MYOM1: variants seen among roughly 807,000 people sequenced by gnomAD.
The protein encoded by MYOM1 is myomesin-1.
MYOM1 carries 164 observed loss-of-function variants against 205.3 expected under a neutral mutation model. That is an observed-to-expected ratio of 0.80 (90% confidence interval 0.70 to 0.91). The LOEUF (loss-of-function observed/expected upper bound fraction) is 0.91, where lower values mean the gene tolerates loss of function less well. MYOM1 is among the 40% of genes least tolerant of loss of function. The pLI is 0.00. For missense variants in MYOM1, 2,011 were observed against 2,127.3 expected (o/e 0.95, Z 1.08); for synonymous variants, 772 against 789.4 (o/e 0.98, Z 0.37).
intron 2 of MYOM1, among the ~76,000 whole-genome samples, chr18:3,196,889 C>T (rs1034139756): frequency 3.9e-5 from 6 of 152,170 alleles, no homozygotes; most frequent in Admixed American, 6.5e-5. Flanking sequence ...TCATAACCAC[C>T]TACTTGTTCA....
At chr18:3,224,169 C>T (rs1378999429), upstream of MYOM1, among the ~76,000 whole-genome samples, 1 of 152,042 alleles carries the variant, frequency 6.6e-6, no homozygotes, top group Non-Finnish European at 1.5e-5. Flanking sequence ...GCTGGGACTA[C>T]AGGCGCCCGC....
At chr18:3,240,787 C>T in the MYOM1 span, among the ~76,000 whole-genome samples, 1 of 152,166 alleles carries the variant, frequency 6.6e-6, no homozygotes, top group Non-Finnish European at 1.5e-5. Context: ...TTCCTAGAGA[C>T]TAGTTGAATG....
chr18:3,188,937 C>T lies in MYOM1; in HGVS notation c.582G>A (p.Lys194=), dbSNP rs772622576. The part of the protein sequence containing the change: ...STASKQTTAS[K]QSTASKQSTA... ...TGGACTGCTTGGATGCCGTGGACTG[C>T]TTAGATGCCGTGGTCTGCTTGGATG... Residue 194 remains lysine (K), a synonymous_variant, in exon 4 of 38, where the codon AAG becomes AAA. Transcript: ENST00000356443. 13 of 1,611,086 alleles carry T rather than the reference C, an allele frequency of 8.1e-6. No homozygotes were observed. In the Admixed American group the frequency reaches 2.2e-4, roughly 27 times the overall value.
intron 33 of MYOM1, among the ~76,000 whole-genome samples, chr18:3,083,427 C>CTTTTTTTTTTTTTTTTTTTTTTTTTTTT (rs35959808): frequency 7.1e-5 from 7 of 98,526 alleles, no homozygotes; most frequent in African/African-American, 8.4e-5. Flanking sequence ...TTTTCTTTTT[C>CTTTTTTTTTTTTTTTTTTTTTTTTTTTT]TTTTTTTTTT....
rs552941676 is a variant in MYOM1, at chr18:3,162,958, G to A, written c.1501+1320C>T. Among the ~76,000 whole-genome samples, 7 of 151,536 alleles carry A rather than the reference G, an allele frequency of 4.6e-5. No homozygotes were observed. In the South Asian group the frequency reaches 8.4e-4, roughly 18 times the overall value. ...AGAGAATGGTGTGAACCCAGGAGGC[G>A]GAGCTTGCAGTGAGCCGAGATCAAG... On this transcript the variant is annotated intron_variant, in intron 10 of 37. Transcript: ENST00000356443.
intron 15 of MYOM1, 129 bp from the exon 16 acceptor site, chr18:3,134,953 C>T (rs377685389): frequency 8.1e-5 from 68 of 838,296 alleles, no homozygotes; most frequent in Non-Finnish European, 1.0e-4. Context: ...CTTTATTTTA[C>T]GATTTTTTTT....
At position 3,075,436 on chromosome 18, in the gene MYOM1, A is replaced by C; in HGVS notation, c.4708+18T>G. 1 of 1,608,596 alleles carries C rather than the reference A, an allele frequency of 6.2e-7. No individual in the cohort carries two copies. Among genetic ancestry groups the C allele is most frequent in the South Asian group, 1.1e-5 (1 of 90,712 alleles). ...ATCCCAGGAGTACTTGTGAAAAGTAAAAAAAAAGTTTACTTACTTTTCTCG... is the reference window on the plus strand; with the variant it reads ...ATCCCAGGAGTACTTGTGAAAAGTACAAAAAAAGTTTACTTACTTTTCTCG... On this transcript the variant is annotated intron_variant, in intron 36 of 37. Transcript: ENST00000356443.
At chr18:3,164,470 C>A (rs537997121) in intron 9 of MYOM1, 31 bp from the exon 10 acceptor site, 4 of 1,547,412 alleles carry the variant, frequency 2.6e-6, no homozygotes, top group Non-Finnish European at 3.5e-6. Context: ...AGCAAATTAA[C>A]TTATTTTTGT....
intron 2 of MYOM1, among the ~76,000 whole-genome samples, chr18:3,207,623 C>T (rs1567968850): frequency 6.6e-6 from 1 of 152,194 alleles, no homozygotes; most frequent in African/African-American, 2.4e-5. Context: ...GTTGCAAAGG[C>T]ACCCTTGGGC....
At chr18:3,157,714 A>C (rs931206326) in intron 10 of MYOM1, among the ~76,000 whole-genome samples, 2 of 143,312 alleles carry the variant, frequency 1.4e-5, no homozygotes, top group African/African-American at 5.4e-5. Flanking sequence ...TAATAATAAT[A>C]ATAATAATAA....
chr18:3,101,989 ATTTTTTTTTT>A (rs35882298), intron 23 of MYOM1, among the ~76,000 whole-genome samples: 3 of 55,848 alleles, frequency 5.4e-5, no homozygotes, highest in East Asian at 1.3e-3. Context: ...TCAGTCTGGG[ATTTTTTTTTT>A]TTTTTTTTTT....
intron 22 of MYOM1, 51 bp from the exon 23 acceptor site, chr18:3,102,681 G>A (rs1236845753): frequency 6.4e-7 from 1 of 1,565,642 alleles, no homozygotes; most frequent in Non-Finnish European, 8.7e-7. Flanking sequence ...AAGCAACCAA[G>A]TAAGAATTTG....
chr18:3,135,707 C>T lies in MYOM1; in HGVS notation c.2049G>A (p.Trp683Ter). 1 of 1,613,894 alleles carries T rather than the reference C, an allele frequency of 6.2e-7. No homozygotes were observed. ...CAGGGAGCTCCGTGTTCACTCGCTGCCAGTTTTCTGTTCCTGCCTCACACT... is the reference window on the plus strand; with the variant it reads ...CAGGGAGCTCCGTGTTCACTCGCTGTCAGTTTTCTGTTCCTGCCTCACACT... ...VEKCEAGTEN[W>*]QRVNTELPVK... is the part of the protein sequence containing the mutation. The change falls in exon 15 of 38, where the codon TGG becomes TGA. Residue 683 changes from tryptophan (W) to a stop codon, truncating the protein, a stop_gained. Transcript: ENST00000356443. LOFTEE classifies it high-confidence loss of function. This position sits in a 1 kb window ranked among gnomAD's most constrained non-coding sequence, Gnocchi z 4.1.
chr18:3,124,198 G>A (rs181803682), intron 19 of MYOM1, among the ~76,000 whole-genome samples: 3 of 151,300 alleles, frequency 2.0e-5, no homozygotes, highest in South Asian at 4.2e-4. Flanking sequence ...ACAGACCAGT[G>A]GAACAGCATG....
At chr18:3,172,360 T>C (rs774577176) in intron 8 of MYOM1, among the ~76,000 whole-genome samples, 1 of 151,968 alleles carries the variant, frequency 6.6e-6, no homozygotes, top group Non-Finnish European at 1.5e-5. Flanking sequence ...GGGCTTTCAG[T>C]CCCCGCCTTG....
At chr18:3,165,727 T>C (rs1048601094) in intron 9 of MYOM1, among the ~76,000 whole-genome samples, 3 of 152,190 alleles carry the variant, frequency 2.0e-5, no homozygotes, top group African/African-American at 7.2e-5. Context: ...AGAGCTGAGT[T>C]CTGGGGAAGG....
rs750171273 is a variant in MYOM1, at chr18:3,219,492, G to A, written c.-29+311C>T. Reference sequence around the variant, plus strand: ...ATCCATTTCAGATTTCAACCAAACCGTACTTGGAAATAGCATTAAACACAC... The same window carrying A: ...ATCCATTTCAGATTTCAACCAAACCATACTTGGAAATAGCATTAAACACAC... On this transcript the variant is annotated intron_variant, in intron 1 of 37. Coordinates refer to ENST00000356443, the MANE Select transcript of MYOM1 (RefSeq NM_003803.4). The surrounding 1 kb of genome is among the most constrained non-coding windows in gnomAD (Gnocchi z 4.4). Among the ~76,000 whole-genome samples, 1 of 152,086 alleles carries A rather than the reference G, an allele frequency of 6.6e-6. No homozygotes were observed. The highest frequency in any genetic ancestry group is 6.5e-5 in the Admixed American group (1 of 15,270).
At chr18:3,210,659 T>G (rs976230016) in intron 2 of MYOM1, among the ~76,000 whole-genome samples, 4 of 152,202 alleles carry the variant, frequency 2.6e-5, no homozygotes, top group Non-Finnish European at 4.4e-5. Flanking sequence ...ATTCAATAGC[T>G]TCTCTAGAAG....
Position 3,215,284 on chromosome 18 carries a change from T to C in MYOM1, c.-28-33A>G, listed in dbSNP as rs1465814960. The stretch of plus-strand genomic sequence containing the variant: ...AAAACAACACTTTTTGAGTGACTTA[T>C]TAAGGAACAAATTCCATAGACCAAG... On this transcript the variant is annotated intron_variant, in intron 1 of 37. Coordinates refer to ENST00000356443, the MANE Select transcript of MYOM1 (RefSeq NM_003803.4). The C allele has an allele frequency of 3.4e-6, 5 of 1,474,886 alleles. No homozygotes were observed. The African/African-American group carries it at 7.0e-5, about 21-fold the overall frequency. The allele number at this position is 1,474,886 out of a possible 1,614,324, so 91.4% of individuals were successfully genotyped here.
Sources: allele counts gnomAD v4.1 joint callset (sites outside exome capture counted in the v4.1 genomes callset), GRCh38; gene constraint gnomAD v4.1.1; non-coding constraint Gnocchi (gnomAD v3.1); transcripts MANE v1.5; gene names NCBI Gene and HGNC (gene_info 2026-07-23, HGNC 2026-07-21).